Variants in ATG13 observed in about 807,000 individuals in gnomAD.
The protein encoded by ATG13 is autophagy-related protein 13.
A neutral mutation model predicts 65.5 loss-of-function variants in ATG13; 23 were observed. The ratio of observed to expected loss-of-function variants is 0.35; its 90% CI spans 0.25 to 0.50. The LOEUF (loss-of-function observed/expected upper bound fraction) is 0.50. ATG13 is among the 20% of genes least tolerant of loss of function. The pLI is 0.98. For missense variants in ATG13, 566 were observed against 677.0 expected (o/e 0.84, Z 1.82); for synonymous variants, 252 against 245.2 (o/e 1.03, Z -0.26).
chr11:46,649,053 A>G, intron 5 of ATG13, 84 bp from the exon 6 acceptor site: 2 of 1,204,752 alleles, frequency 1.7e-6, no homozygotes, highest in Non-Finnish European at 2.3e-6. Context: ...GCTTATCTAT[A>G]CCTTTTAATA....
intron 2 of ATG13, among the ~76,000 whole-genome samples, chr11:46,641,135 C>T (rs1216763431): frequency 2.0e-5 from 3 of 152,188 alleles, no homozygotes; most frequent in East Asian, 3.8e-4. Flanking sequence ...TGCAGTGGTG[C>T]GATCTCGGCT....
chr11:46,651,300 AC>A (rs2058843390), intron 7 of ATG13, among the ~76,000 whole-genome samples: 4 of 152,268 alleles, frequency 2.6e-5, no homozygotes, highest in Admixed American at 6.5e-5. Context: ...TGGTTGGTAA[AC>A]AGTGCAGTTC....
intron 14 of ATG13, 21 bp downstream of exon 14, chr11:46,665,540 T>G: frequency 6.2e-7 from 1 of 1,613,300 alleles, no homozygotes; most frequent in Non-Finnish European, 8.5e-7. Context: ...ATTTTGGCTC[T>G]GTCTCTGGTA....
chr11:46,646,038 C>A, intron 5 of ATG13, 49 bp downstream of exon 5: 1 of 1,609,900 alleles, frequency 6.2e-7, no homozygotes, highest in Non-Finnish European at 8.5e-7. Flanking sequence ...GAAGGCTCCT[C>A]ACACTCTGAG....
chr11:46,671,629 G>T (rs1405078950), intron 18 of ATG13, among the ~76,000 whole-genome samples: 1 of 152,200 alleles, frequency 6.6e-6, no homozygotes, highest in Non-Finnish European at 1.5e-5. Context: ...GGCTACTCAA[G>T]CTACTCAGGA....
chr11:46,653,849 G>A (rs1039835580), intron 7 of ATG13, among the ~76,000 whole-genome samples: 5 of 151,990 alleles, frequency 3.3e-5, no homozygotes, highest in African/African-American at 7.3e-5. Context: ...GATTACAGGC[G>A]TGAGCCACCG....
intron 5 of ATG13, among the ~76,000 whole-genome samples, chr11:46,647,722 C>T (rs1484291624): frequency 6.6e-6 from 1 of 151,124 alleles, no homozygotes; most frequent in East Asian, 1.9e-4. Context: ...ATATGCTGCA[C>T]CACCACACAT....
chr11:46,659,544 G>A, intron 11 of ATG13, 59 bp downstream of exon 11: 1 of 1,403,348 alleles, frequency 7.1e-7, no homozygotes. Flanking sequence ...TGGGCTTTAT[G>A]AAATGGTGTC....
chr11:46,635,528 T>TAATA (rs1391534440), intron 2 of ATG13, among the ~76,000 whole-genome samples: 1 of 152,178 alleles, frequency 6.6e-6, no homozygotes, highest in African/African-American at 2.4e-5. Flanking sequence ...ACTGGATAGT[T>TAATA]AATAGCAAAG....
chr11:46,618,417 C>G (rs1057333061), intron 1 of ATG13: 2 of 152,294 alleles, frequency 1.3e-5, no homozygotes, highest in Non-Finnish European at 2.9e-5. Context: ...ACTAATTCTT[C>G]CCAGTTTTCA....
chr11:46,647,271 G>GTTTTTTTTGTTTT lies in ATG13; in HGVS notation c.270+1305_270+1317dup, dbSNP rs56291339. Among the ~76,000 whole-genome samples the GTTTTTTTTGTTTT allele has an allele frequency of 3.8e-5, 5 of 132,882 alleles. 1 individual carries two copies. Among genetic ancestry groups the GTTTTTTTTGTTTT allele is most frequent in the African/African-American group, 1.1e-4 (4 of 34,832 alleles). 87.2% of individuals were successfully genotyped at this position (132,882 alleles called of 152,430 possible). A position where few individuals can be genotyped will look rare whatever the true frequency, so the allele number is the denominator to read the frequency against. On this transcript the variant is annotated intron_variant, in intron 5 of 18. Coordinates refer to ENST00000683050, the MANE Select transcript of ATG13 (RefSeq NM_001346311.2). ...GGTGGTGGTTGCTTTTTGGGTTTTTGTTTTTTTTGTTTTTTTTTTTTGTTT... is the reference window on the plus strand; with the variant it reads ...GGTGGTGGTTGCTTTTTGGGTTTTTGTTTTTTTTGTTTTTTTTTTTTGTTTTTTTTTTTTGTTT...
chr11:46,626,331 G>A (rs1258330129), intron 1 of ATG13, among the ~76,000 whole-genome samples: 1 of 151,890 alleles, frequency 6.6e-6, no homozygotes, highest in Non-Finnish European at 1.5e-5. Flanking sequence ...GCTCACTGCA[G>A]CCTCTACCTC....
chr11:46,656,458 T>C, intron 8 of ATG13, 185 bp downstream of exon 8: 1 of 486,130 alleles, frequency 2.1e-6, no homozygotes, highest in Non-Finnish European at 3.5e-6. Context: ...AACCAAATAA[T>C]TTTTCCCAAA....
chr11:46,662,590 GCCCTGT>G (rs1163626929), intron 11 of ATG13, among the ~76,000 whole-genome samples: 9 of 152,130 alleles, frequency 5.9e-5, no homozygotes, highest in African/African-American at 2.2e-4. Flanking sequence ...CCATAAGTGA[GCCCTGT>G]CATCATTACT....
At chr11:46,657,719 C>A in intron 10 of ATG13, 97 bp downstream of exon 10, 1 of 1,154,606 alleles carries the variant, frequency 8.7e-7, no homozygotes, top group Non-Finnish European at 1.2e-6. Flanking sequence ...ACTCACTCTC[C>A]AGTGGGCAGG....
At chr11:46,643,331 CAA>C (rs2056655729) in intron 2 of ATG13, among the ~76,000 whole-genome samples, 1 of 152,070 alleles carries the variant, frequency 6.6e-6, no homozygotes, top group African/African-American at 2.4e-5. Flanking sequence ...TTTTTGAGAA[CAA>C]AGAGTACATG....
chr11:46,644,407 C>A, intron 3 of ATG13, 47 bp downstream of exon 3: 1 of 1,484,976 alleles, frequency 6.7e-7, no homozygotes, highest in Non-Finnish European at 9.2e-7. Context: ...AAATAACTTC[C>A]GTGCTTCTCC....
In ATG13 at chr11:46,632,925, G is replaced by A. The variant is rs917500782; in HGVS notation, c.-14+2825G>A. 7.3e-5 allele frequency among the ~76,000 whole-genome samples: 11 copies of A among 150,046 alleles called. No homozygotes were observed. In the South Asian group the frequency reaches 2.3e-3, roughly 32 times the overall value. ...CAACTGTAATCCCAGTGCTTTGGGAGATGGAGGTGGGAGGATCACTTGAGG... is the reference window on the plus strand; with the variant it reads ...CAACTGTAATCCCAGTGCTTTGGGAAATGGAGGTGGGAGGATCACTTGAGG... On this transcript the variant is annotated intron_variant, in intron 2 of 18. Coordinates refer to ENST00000683050, the MANE Select transcript of ATG13 (RefSeq NM_001346311.2).
In ATG13 at chr11:46,672,473, G is replaced by A; in HGVS notation, c.*141G>A. 1 of 1,538,912 alleles carries A rather than the reference G, an allele frequency of 6.5e-7. No homozygotes were observed. The highest frequency in any genetic ancestry group is 1.2e-5 in the South Asian group (1 of 80,852). On this transcript the variant is annotated 3_prime_UTR_variant, in exon 19 of 19. Coordinates refer to ENST00000683050, the MANE Select transcript of ATG13 (RefSeq NM_001346311.2). ...TGGCTTCTCCCATGGGGACCCAGAA[G>A]TCCCTACTCTTGGACCTCCTGGAGA...
Sources: gnomAD v4.1 joint callset for allele counts (sites outside exome capture counted in the v4.1 genomes callset) on GRCh38, gnomAD v4.1.1 for gene constraint, MANE v1.5 for transcripts, NCBI Gene and HGNC (gene_info 2026-07-23, HGNC 2026-07-21) for gene names.